The following SETX variants were observed in gnomAD, a reference collection of about 807,000 sequenced individuals.
SETX encodes helicase senataxin.
In SETX, 90 loss-of-function variants were observed where a neutral mutation model predicts 227.2. The ratio of observed to expected loss-of-function variants is 0.40; its 90% confidence interval spans 0.33 to 0.47. SETX has a LOEUF of 0.47. Ranked by LOEUF, SETX falls within the 20% of genes least tolerant of loss-of-function variation. The pLI is 0.91. For missense variants in SETX, 3,052 were observed against 3,181.5 expected (o/e 0.96, Z 0.98); for synonymous variants, 1,210 against 1,113.2 (o/e 1.09, Z -1.73).
In SETX at chr9:132,261,530, C is replaced by T. The variant is rs576574097; in HGVS notation, c.*2709G>A. Reference sequence around the variant, plus strand: ...TCTGCTTTTAATTCTGCCATTTCCTCTTAAAATTTAGGGTTTAACAAAGAC... The same window carrying T: ...TCTGCTTTTAATTCTGCCATTTCCTTTTAAAATTTAGGGTTTAACAAAGAC... On this transcript the variant is annotated 3_prime_UTR_variant, in exon 26 of 26. Coordinates refer to ENST00000224140, the MANE Select transcript of SETX (RefSeq NM_015046.7). 9 of 152,576 alleles carry T rather than the reference C, an allele frequency of 5.9e-5. No individual in the cohort carries two copies. The South Asian group carries it at 1.9e-3, about 32-fold the overall frequency. The allele number at this position is 152,576 out of a possible 1,614,324, so 9.5% of individuals were successfully genotyped here.
In SETX at chr9:132,335,378, A is replaced by G. The variant is rs572662196; in HGVS notation, c.719-651T>C. Among the ~76,000 whole-genome samples, 24 of 109,062 alleles carry G rather than the reference A, an allele frequency of 2.2e-4. No homozygotes were observed. The South Asian group carries it at 7.1e-3, about 32-fold the overall frequency. The allele number at this position is 109,062 out of a possible 152,430, so 71.5% of individuals were successfully genotyped here. On this transcript the variant is annotated intron_variant, in intron 6 of 25. Transcript: ENST00000224140. ...TGCACTCCAGCCTGGGCGACAGAGC[A>G]AGACTCCGTCTCAAAAAAAAAAAAA...
At chr9:132,281,965 T>C (rs1843543354) in intron 19 of SETX, among the ~76,000 whole-genome samples, 1 of 140,380 alleles carries the variant, frequency 7.1e-6, no homozygotes, top group Non-Finnish European at 1.5e-5. Flanking sequence ...GAGGTTGCAG[T>C]GAGCCGAGAT....
intron 23 of SETX, among the ~76,000 whole-genome samples, chr9:132,273,939 C>T (rs1843022389): frequency 6.7e-6 from 1 of 150,214 alleles, no homozygotes. Context: ...TTGTAAATGC[C>T]TTTTATTAAT....
In SETX at chr9:132,264,039, A is replaced by C. The variant is rs114940532; in HGVS notation, c.*200T>G. The C allele has an allele frequency of 1.5e-3, 1,011 of 660,894 alleles. 6 individuals carry two copies. In the African/African-American group the frequency reaches 0.017, roughly 11 times the overall value. The allele number at this position is 660,894 out of a possible 1,614,324, so 40.9% of individuals were successfully genotyped here. On this transcript the variant is annotated 3_prime_UTR_variant, in exon 26 of 26. Coordinates refer to ENST00000224140, the MANE Select transcript of SETX (RefSeq NM_015046.7). The stretch of plus-strand genomic sequence containing the variant: ...ACTTCAAGGACATTATTACGGATAC[A>C]CAATGCCCTCTGAAAGCTTTTGCAA...
At chr9:132,283,192 A>G in intron 19 of SETX, 72 bp downstream of exon 19, 5 of 1,586,786 alleles carry the variant, frequency 3.2e-6, no homozygotes, top group Non-Finnish European at 4.3e-6. Context: ...TCAACATTTC[A>G]GCAGCCACAA....
chr9:132,273,487 TCAA>T (rs1007642130), intron 23 of SETX, among the ~76,000 whole-genome samples: 4 of 152,246 alleles, frequency 2.6e-5, no homozygotes, highest in African/African-American at 9.6e-5. Flanking sequence ...TTAATTCCTT[TCAA>T]CAACGTTTTG....
chr9:132,312,043 A>T (rs905042597), intron 10 of SETX, among the ~76,000 whole-genome samples, 187 bp from the exon 11 acceptor site: 1 of 152,250 alleles, frequency 6.6e-6, no homozygotes, highest in Non-Finnish European at 1.5e-5. Flanking sequence ...AGTAGCCACT[A>T]GCTACATCTG....
At chr9:132,344,552 G>A (rs1438041768) in intron 4 of SETX, among the ~76,000 whole-genome samples, 1 of 152,126 alleles carries the variant, frequency 6.6e-6, no homozygotes, top group Non-Finnish European at 1.5e-5. Context: ...CAACTATTGG[G>A]AAAATATGAA....
At chr9:132,277,643 G>A (rs1387758752) in intron 21 of SETX, among the ~76,000 whole-genome samples, 1 of 151,960 alleles carries the variant, frequency 6.6e-6, no homozygotes, top group Non-Finnish European at 1.5e-5. Flanking sequence ...AATTAGCCAG[G>A]CATGGTGGTG....
At position 132,264,154 on chromosome 9, in the gene SETX, A is replaced by C; in HGVS notation, c.*85T>G. ...AACAGCACACAAACTCCTTACAAAA[A>C]ACAAGCTTATCTAGATGGTCCCACG... On this transcript the variant is annotated 3_prime_UTR_variant, in exon 26 of 26. Coordinates refer to ENST00000224140, the MANE Select transcript of SETX (RefSeq NM_015046.7). The C allele has an allele frequency of 1.3e-6, 2 of 1,592,870 alleles. No individual in the cohort carries two copies. Among genetic ancestry groups the C allele is most frequent in the South Asian group, 2.2e-5 (2 of 90,464 alleles).
rs370366576 is a variant in SETX, at chr9:132,264,535, C to T, written c.7738G>A (p.Val2580Ile). ...PPTGEPGFPV[V>I]HQDLSHIQQP... ...TGTATATGGCTCAGGTCCTGGTGAA[C>T]GACAGGGAAGCCCGGCTCGCCCGTA... Residue 2580 changes from valine to isoleucine, a missense_variant, in exon 26 of 26, where the codon GTT becomes ATT. Physicochemically the swap from Val to Ile is conservative, Grantham distance 29. Around this residue, in one of 10 missense-constraint regions of SETX, gnomAD observed 294 missense variants for 278.8 expected, o/e 1.05. Coordinates refer to ENST00000224140, the MANE Select transcript of SETX (RefSeq NM_015046.7). The T allele has an allele frequency of 4.3e-5, 69 of 1,613,866 alleles. No homozygotes were observed. The African/African-American group carries it at 6.0e-4, about 14-fold the overall frequency.
At chr9:132,356,492 G>A (rs557215416), upstream of SETX, among the ~76,000 whole-genome samples, 3 of 152,272 alleles carry the variant, frequency 2.0e-5, no homozygotes, top group South Asian at 2.1e-4. Flanking sequence ...GTGATCCACC[G>A]CACCCGGCCC....
intron 25 of SETX, among the ~76,000 whole-genome samples, chr9:132,268,366 G>A (rs1309494777): frequency 6.6e-6 from 1 of 152,162 alleles, no homozygotes; most frequent in Non-Finnish European, 1.5e-5. Context: ...CAAAAATTAG[G>A]TACATGCGCC....
Position 132,330,046 on chromosome 9 carries a change from T to A in SETX, c.1552A>T (p.Ile518Leu). ...SGNCSKGTAM[I>L]SSLSLHSMPS... ...ATGGAATGCAATGACAGTGAAGATA[T>A]CATTGCTGTTCCTTTGGAGCAATTT... is the stretch of plus-strand genomic sequence containing the variant. The change falls in exon 10 of 26, where the codon ATA becomes TTA. Residue 518 changes from isoleucine to leucine, a missense_variant. Physicochemically the swap from Ile to Leu is conservative, Grantham distance 5 (BLOSUM62 2). This residue lies in a region of SETX where 179 missense variants were observed against 197.1 expected (regional missense o/e 0.91). Transcript: ENST00000224140. 1 of 1,614,252 alleles carries A rather than the reference T, an allele frequency of 6.2e-7. No individual in the cohort carries two copies. The highest frequency in any genetic ancestry group is 8.5e-7 in the Non-Finnish European group (1 of 1,180,024).
rs1054367216 is a variant in SETX at position 132,261,624 on chromosome 9, T to C, written c.*2615A>G. ...GAAAAGTCAAAGCTATAGCAAAAAA[T>C]TGCTAATCTGCACAACTTTAAAAAA... On this transcript the variant is annotated 3_prime_UTR_variant, in exon 26 of 26. Coordinates refer to ENST00000224140, the MANE Select transcript of SETX (RefSeq NM_015046.7). 2.0e-5 allele frequency: 3 copies of C among 152,812 alleles called. No homozygotes were observed. Among genetic ancestry groups the C allele is most frequent in the Admixed American group, 6.5e-5 (1 of 15,274 alleles). 9.5% of individuals were successfully genotyped at this position (152,812 alleles called of 1,614,324 possible).
chr9:132,288,494 A>T, intron 16 of SETX, 56 bp downstream of exon 16: 1 of 1,500,672 alleles, frequency 6.7e-7, no homozygotes, highest in Non-Finnish European at 9.3e-7. Flanking sequence ...TGCCCAAGTC[A>T]TTTTCCACCA....
At chr9:132,271,606 A>C in intron 24 of SETX, 104 bp downstream of exon 24, 1 of 1,000,160 alleles carries the variant, frequency 1.0e-6, no homozygotes, top group Non-Finnish European at 1.6e-6. Flanking sequence ...AGAAAATTAA[A>C]AAAGCAAATG....
chr9:132,281,697 A>AT, intron 19 of SETX, 123 bp from the exon 20 acceptor site: 1 of 758,352 alleles, frequency 1.3e-6, no homozygotes. Context: ...CAAATATCAA[A>AT]AATACAAATT....
At chr9:132,282,430 A>T (rs1843596093) in intron 19 of SETX, among the ~76,000 whole-genome samples, 1 of 151,710 alleles carries the variant, frequency 6.6e-6, no homozygotes, top group South Asian at 2.1e-4. Flanking sequence ...CTGGAATGAC[A>T]GGCACACACC....
Sources: gnomAD v4.1 joint callset for allele counts (sites outside exome capture counted in the v4.1 genomes callset) on GRCh38, gnomAD v4.1.1 for gene constraint, gnomAD v4.1.1 regional missense constraint, MANE v1.5 for transcripts, NCBI Gene and HGNC (gene_info 2026-07-23, HGNC 2026-07-21) for gene names.